Variants in PAK1 observed in about 807,000 individuals in gnomAD.
PAK1 encodes serine/threonine-protein kinase PAK 1.
In PAK1, 29 loss-of-function variants were observed where a neutral mutation model predicts 67.4. The observed-to-expected ratio is 0.43, with a 90% CI of 0.32 to 0.59. PAK1 has a LOEUF of 0.59. Among genes scored for constraint, PAK1 ranks in the 20% least tolerant of loss-of-function variants. The probability of loss-of-function intolerance (pLI) is 0.07; values close to 1 mark genes in which losing one functional copy is unlikely to be tolerated. For missense variants in PAK1, 337 were observed against 670.7 expected, an observed-to-expected ratio of 0.50 and a Z score of 5.50; for synonymous variants, 223 against 237.4, an observed-to-expected ratio of 0.94 and a Z score of 0.56.
At chr11:77,445,827 C>G (rs1432110340) in intron 1 of PAK1, among the ~76,000 whole-genome samples, 2 of 152,136 alleles carry the variant, frequency 1.3e-5, no homozygotes, top group African/African-American at 2.4e-5. Context: ...CTTACAGATA[C>G]CACTTCTCCC....
chr11:77,492,042 T>C, the PAK1 span, among the ~76,000 whole-genome samples: 49 of 152,322 alleles, frequency 3.2e-4, no homozygotes, highest in East Asian at 8.5e-3. Context: ...AGTGGGAAAC[T>C]GAAGAGTCCA....
At chr11:77,482,679 G>A in the PAK1 span, among the ~76,000 whole-genome samples, 5 of 148,806 alleles carry the variant, frequency 3.4e-5, no homozygotes, top group African/African-American at 7.5e-5. Context: ...CTGCAGCCTC[G>A]ACCTCCTGAG....
chr11:77,442,028 C>T (rs1233512338), intron 1 of PAK1, among the ~76,000 whole-genome samples: 1 of 152,104 alleles, frequency 6.6e-6, no homozygotes, highest in East Asian at 1.9e-4. Flanking sequence ...TGAAGGAATC[C>T]CTGCTCCCTT....
chr11:77,500,041 T>A, the PAK1 span, among the ~76,000 whole-genome samples: 1 of 151,806 alleles, frequency 6.6e-6, no homozygotes, highest in Non-Finnish European at 1.5e-5. Flanking sequence ...CATAAGTGAG[T>A]GGAAGAAGTT....
chr11:77,376,638 G>T (rs1194540956), intron 4 of PAK1, among the ~76,000 whole-genome samples: 2 of 151,228 alleles, frequency 1.3e-5, no homozygotes, highest in South Asian at 4.2e-4. Context: ...CTGGGAGGCT[G>T]AGGCAGAAGA....
intron 1 of PAK1, among the ~76,000 whole-genome samples, chr11:77,465,865 C>T (rs752705494): frequency 3.3e-5 from 5 of 152,128 alleles, no homozygotes; most frequent in African/African-American, 1.2e-4. Context: ...GAGACGATTG[C>T]TTGAGCCCGG....
chr11:77,379,828 T>C (rs1228669330), intron 3 of PAK1, 66 bp downstream of exon 3: 9 of 1,048,824 alleles, frequency 8.6e-6, no homozygotes, highest in East Asian at 2.4e-5. Flanking sequence ...TGAGAAAGGG[T>C]TGAATCTAAC....
chr11:77,485,120 T>C, the PAK1 span, among the ~76,000 whole-genome samples: 1 of 152,150 alleles, frequency 6.6e-6, no homozygotes, highest in Non-Finnish European at 1.5e-5. Context: ...CAAGATGAGA[T>C]TTGGATGTTA....
chr11:77,368,578 G>GA (rs1326994557), intron 5 of PAK1, among the ~76,000 whole-genome samples: 1 of 152,228 alleles, frequency 6.6e-6, no homozygotes, highest in Non-Finnish European at 1.5e-5. Context: ...AGACAATGGT[G>GA]AAGGAAGATC....
the PAK1 span, among the ~76,000 whole-genome samples, chr11:77,495,336 C>T: frequency 8.1e-5 from 12 of 148,700 alleles, no homozygotes; most frequent in Admixed American, 2.0e-4. Context: ...TAGCCAGGCG[C>T]GGTGGTGCAT....
At chr11:77,499,229 AT>A in the PAK1 span, among the ~76,000 whole-genome samples, 6 of 151,144 alleles carry the variant, frequency 4.0e-5, no homozygotes, top group Non-Finnish European at 7.4e-5. Context: ...TATTGTTAAC[AT>A]TTTTTTTCTT....
chr11:77,385,566 G>T (rs1365636642), intron 2 of PAK1, among the ~76,000 whole-genome samples: 4 of 152,118 alleles, frequency 2.6e-5, no homozygotes, highest in African/African-American at 9.7e-5. Flanking sequence ...ACGATGTTAA[G>T]AATTCTTGGC....
At chr11:77,387,177 A>G (rs890056460) in intron 2 of PAK1, among the ~76,000 whole-genome samples, 2 of 150,246 alleles carry the variant, frequency 1.3e-5, no homozygotes, top group Non-Finnish European at 2.9e-5. Flanking sequence ...GATTCAAGCG[A>G]TTCTCCTGCC....
chr11:77,487,032 G>A, the PAK1 span, among the ~76,000 whole-genome samples: 1 of 152,164 alleles, frequency 6.6e-6, no homozygotes, highest in African/African-American at 2.4e-5. Flanking sequence ...CATGGCTCCA[G>A]GAGAGACTCC....
chr11:77,460,655 A>T (rs987327826), intron 1 of PAK1, among the ~76,000 whole-genome samples: 3 of 152,158 alleles, frequency 2.0e-5, no homozygotes, highest in Admixed American at 2.0e-4. Context: ...AAGATGCCAT[A>T]AAGCGAGATT....
chr11:77,326,812 G>A (rs1940027021), intron 14 of PAK1, among the ~76,000 whole-genome samples: 1 of 152,156 alleles, frequency 6.6e-6, no homozygotes, highest in Non-Finnish European at 1.5e-5. Context: ...GTTGAAAGAA[G>A]GCCTCAGATG....
chr11:77,443,936 G>A (rs897009953), intron 1 of PAK1, among the ~76,000 whole-genome samples: 1 of 152,142 alleles, frequency 6.6e-6, no homozygotes, highest in African/African-American at 2.4e-5. Context: ...ATAGTATTCT[G>A]GAGTCTACAT....
chr11:77,414,860 C>G (rs1222258966), intron 1 of PAK1, among the ~76,000 whole-genome samples: 1 of 152,056 alleles, frequency 6.6e-6, no homozygotes, highest in Non-Finnish European at 1.5e-5. Flanking sequence ...GATACAGCCC[C>G]AAAAGCAAGA....
the PAK1 span, among the ~76,000 whole-genome samples, chr11:77,521,251 C>G: frequency 6.6e-6 from 1 of 151,996 alleles, no homozygotes; most frequent in African/African-American, 2.4e-5. Flanking sequence ...AATGTGAGGC[C>G]GGGTGCAGTG....
Sources: allele counts gnomAD v4.1 joint callset (sites outside exome capture counted in the v4.1 genomes callset), GRCh38; gene constraint gnomAD v4.1.1; transcripts MANE v1.5; gene names NCBI Gene and HGNC (gene_info 2026-07-23, HGNC 2026-07-21).